Variants in CHCHD3 observed in about 807,000 individuals in gnomAD.
CHCHD3 encodes coiled-coil-helix-coiled-coil-helix domain containing 3, also known as MICOS complex subunit MIC19.
Under a neutral mutation model 38.2 loss-of-function variants are expected in CHCHD3, and 20 were observed. The ratio of observed to expected loss-of-function variants is 0.52; its 90% CI spans 0.37 to 0.76. The LOEUF (loss-of-function observed/expected upper bound fraction) is 0.76. Among genes scored for constraint, CHCHD3 ranks in the 30% least tolerant of loss-of-function variants. CHCHD3 has a pLI of 0.00. For missense variants in CHCHD3, 245 were observed against 279.2 expected (o/e 0.88, Z 0.87); for synonymous variants, 82 against 100.0 (o/e 0.82, Z 1.07).
chr7:132,856,339 T>A (rs1306245626), intron 5 of CHCHD3, among the ~76,000 whole-genome samples: 1 of 152,220 alleles, frequency 6.6e-6, no homozygotes, highest in Non-Finnish European at 1.5e-5. Flanking sequence ...AAGAACAGCA[T>A]ATTCACTCTA....
chr7:132,923,870 G>A, intron 4 of CHCHD3, among the ~76,000 whole-genome samples: 1 of 152,072 alleles, frequency 6.6e-6, no homozygotes, highest in East Asian at 1.9e-4. Context: ...TTTAGAGAAG[G>A]AATGAGAAAG....
chr7:132,905,150 C>G (rs970995600), intron 4 of CHCHD3, among the ~76,000 whole-genome samples: 1 of 151,722 alleles, frequency 6.6e-6, no homozygotes, highest in East Asian at 1.9e-4. Flanking sequence ...CTAATGTAAA[C>G]GACGAGTTAA....
chr7:132,905,220 A>T lies in CHCHD3; in HGVS notation c.370-19475T>A, dbSNP rs544756689. On this transcript the variant is annotated intron_variant, in intron 4 of 7. Coordinates refer to ENST00000262570, the MANE Select transcript of CHCHD3 (RefSeq NM_017812.4). ...TATGTAACAAACCTGCACGTTGTGTACATGTACCCTAGAACTTAAAGTATA... is the reference window on the plus strand; with the variant it reads ...TATGTAACAAACCTGCACGTTGTGTTCATGTACCCTAGAACTTAAAGTATA... Among the ~76,000 whole-genome samples the T allele has an allele frequency of 2.6e-5, 4 of 152,288 alleles. No homozygotes were observed. The South Asian group carries it at 8.3e-4, about 32-fold the overall frequency.
intron 2 of CHCHD3, chr7:133,034,533 A>C: frequency 5.6e-6 from 1 of 178,952 alleles, no homozygotes; most frequent in South Asian, 1.3e-4. Context: ...TTTTTTTTCA[A>C]TGTTCAGTTT....
intron 2 of CHCHD3, among the ~76,000 whole-genome samples, chr7:133,050,139 G>T (rs1441871729): frequency 6.6e-6 from 1 of 151,902 alleles, no homozygotes; most frequent in African/African-American, 2.4e-5. Context: ...TTAAGGCCAG[G>T]AGTTCGAGAT....
At position 133,023,367 on chromosome 7, in the gene CHCHD3, C is replaced by T. The variant is rs1813247129; in HGVS notation, c.251+1179G>A. Among the ~76,000 whole-genome samples the T allele has an allele frequency of 2.0e-5, 3 of 152,248 alleles. No homozygotes were observed. The South Asian group carries it at 6.2e-4, about 31-fold the overall frequency. The stretch of plus-strand genomic sequence containing the variant: ...AAAGAAATATTAAATAATAATTTTT[C>T]ACAACCCTCATTTTAAAGATGAAAT... On this transcript the variant is annotated intron_variant, in intron 3 of 7. Coordinates refer to ENST00000262570, the MANE Select transcript of CHCHD3 (RefSeq NM_017812.4).
chr7:132,801,148 C>T (rs1229513667), intron 6 of CHCHD3, among the ~76,000 whole-genome samples: 1 of 152,132 alleles, frequency 6.6e-6, no homozygotes, highest in Non-Finnish European at 1.5e-5. Context: ...TTGTTTTTCT[C>T]ATCACTTATA....
chr7:132,799,693 G>A lies in CHCHD3; in HGVS notation c.525-3116C>T, dbSNP rs137972398. Among the ~76,000 whole-genome samples, 555 of 152,186 alleles carry A rather than the reference G, an allele frequency of 3.6e-3. 8 individuals are homozygous for A. Among genetic ancestry groups the A allele is most frequent in the African/African-American group, 0.012 (519 of 41,532 alleles). ...AAAACATGTTTAGCAAGAAGAAATC[G>A]GTGGAATAGAGTCAACCTTTGAAAA... On this transcript the variant is annotated intron_variant, in intron 6 of 7. Coordinates refer to ENST00000262570, the MANE Select transcript of CHCHD3 (RefSeq NM_017812.4).
At chr7:132,817,191 G>T (rs1224517836) in intron 6 of CHCHD3, among the ~76,000 whole-genome samples, 1 of 151,740 alleles carries the variant, frequency 6.6e-6, no homozygotes, top group Non-Finnish European at 1.5e-5. Flanking sequence ...TTTTCCTGGG[G>T]TCCCAAGCTT....
intron 2 of CHCHD3, among the ~76,000 whole-genome samples, chr7:133,032,860 T>C (rs115508624): frequency 0.011 from 1,634 of 152,264 alleles, 34 homozygotes; most frequent in African/African-American, 0.037. Flanking sequence ...TTCTGATACA[T>C]AGCTTAATTT....
chr7:132,894,848 T>C (rs1401906122), intron 4 of CHCHD3, among the ~76,000 whole-genome samples: 1 of 152,264 alleles, frequency 6.6e-6, no homozygotes, highest in African/African-American at 2.4e-5. Context: ...TACATTATTA[T>C]GTAAGCTCTG....
intron 5 of CHCHD3, among the ~76,000 whole-genome samples, chr7:132,875,916 T>C (rs1017804745): frequency 6.6e-6 from 1 of 152,238 alleles, no homozygotes; most frequent in Non-Finnish European, 1.5e-5. Context: ...TTTGATGATG[T>C]TATGAGCTAA....
intron 5 of CHCHD3, among the ~76,000 whole-genome samples, chr7:132,873,711 G>T (rs563609662): frequency 1.0e-3 from 152 of 152,198 alleles, no homozygotes; most frequent in Non-Finnish European, 1.6e-3. Flanking sequence ...GATAATATAT[G>T]AAGTTGGGCA....
intron 1 of CHCHD3, among the ~76,000 whole-genome samples, chr7:133,073,734 G>A (rs1346271430): frequency 3.9e-5 from 6 of 152,126 alleles, no homozygotes; most frequent in Non-Finnish European, 8.8e-5. Context: ...AAATGCAAAT[G>A]TGATAATGGT....
chr7:132,936,256 T>C (rs572885422), intron 4 of CHCHD3, among the ~76,000 whole-genome samples: 4 of 152,322 alleles, frequency 2.6e-5, no homozygotes, highest in Non-Finnish European at 5.9e-5. Context: ...TTTTCCATTA[T>C]TTCAATGATA....
chr7:133,004,301 G>A (rs1172309051), intron 3 of CHCHD3, among the ~76,000 whole-genome samples: 1 of 152,110 alleles, frequency 6.6e-6, no homozygotes, highest in African/African-American at 2.4e-5. Flanking sequence ...GTGTACCTGG[G>A]TAAGAATTAC....
In CHCHD3 at chr7:132,903,430, A is replaced by G. The variant is rs536264530; in HGVS notation, c.370-17685T>C. ...GCCAACTGTAGTACAGTTTCTACAC[A>G]ACCTTTTTATTTTTTTATCTTACAG... On this transcript the variant is annotated intron_variant, in intron 4 of 7. Coordinates refer to ENST00000262570, the MANE Select transcript of CHCHD3 (RefSeq NM_017812.4). Among the ~76,000 whole-genome samples, 33 of 152,276 alleles carry G rather than the reference A, an allele frequency of 2.2e-4. 1 individual carries two copies. Among genetic ancestry groups the G allele is most frequent in the Admixed American group, 1.7e-3 (26 of 15,290 alleles).
Position 133,065,316 on chromosome 7 carries a change from G to A in CHCHD3, c.169+4826C>T, listed in dbSNP as rs1814637795. ...AGCCACTGATCTGGTTCAAGGTTTA[G>A]CAAAAAAATTATATTTTTTATGAAA... On this transcript the variant is annotated intron_variant, in intron 2 of 7. Coordinates refer to ENST00000262570, the MANE Select transcript of CHCHD3 (RefSeq NM_017812.4). Among the ~76,000 whole-genome samples the A allele has an allele frequency of 3.3e-5, 5 of 152,126 alleles. No homozygotes were observed. The South Asian group carries it at 8.3e-4, about 25-fold the overall frequency.
intron 6 of CHCHD3, among the ~76,000 whole-genome samples, chr7:132,798,251 C>T (rs1165173882): frequency 4.6e-5 from 7 of 152,136 alleles, no homozygotes; most frequent in Non-Finnish European, 8.8e-5. Context: ...TATAACATCA[C>T]TTTTACTTTT....
Sources: gnomAD v4.1 joint callset for allele counts (sites outside exome capture counted in the v4.1 genomes callset) on GRCh38, gnomAD v4.1.1 for gene constraint, MANE v1.5 for transcripts, NCBI Gene and HGNC (gene_info 2026-07-23, HGNC 2026-07-21) for gene names.